Variants in N4BP2 observed in about 807,000 individuals in gnomAD.
The protein encoded by N4BP2 is NEDD4-binding protein 2.
A neutral mutation model predicts 152.8 loss-of-function variants in N4BP2; 91 were observed. That is an observed-to-expected ratio of 0.60 (90% CI 0.50 to 0.71). The LOEUF (loss-of-function observed/expected upper bound fraction) is 0.71. N4BP2 is among the 30% of genes least tolerant of loss of function. N4BP2 has a pLI of 0.00. For synonymous variants in N4BP2, 646 were observed against 705.3 expected (o/e 0.92, Z 1.33); for missense variants, 1,923 against 2,059.1 (o/e 0.93, Z 1.28).
intron 2 of N4BP2, among the ~76,000 whole-genome samples, chr4:40,087,251 C>G (rs1653082148): frequency 6.6e-6 from 1 of 151,894 alleles, no homozygotes; most frequent in Non-Finnish European, 1.5e-5. Flanking sequence ...CTTTCCTTTT[C>G]CCCTTCCCCT....
chr4:40,188,947 C>T, the N4BP2 span, among the ~76,000 whole-genome samples: 1 of 151,722 alleles, frequency 6.6e-6, no homozygotes, highest in African/African-American at 2.4e-5. Flanking sequence ...GAGTTTGAGA[C>T]CAGCCTGGCC....
the N4BP2 span, among the ~76,000 whole-genome samples, chr4:40,166,288 C>T: frequency 3.3e-5 from 5 of 152,224 alleles, 1 homozygote; most frequent in South Asian, 6.2e-4. Flanking sequence ...GGCTATCTGG[C>T]GGGATAGGCC....
At chr4:40,185,820 G>GTAA in the N4BP2 span, among the ~76,000 whole-genome samples, 2 of 151,892 alleles carry the variant, frequency 1.3e-5, no homozygotes, top group Non-Finnish European at 2.9e-5. Context: ...AATAATTTAG[G>GTAA]TAATAATAAT....
rs373513853 is a variant in N4BP2, at chr4:40,154,261, T to C, written c.*24T>C. 434 of 1,540,414 alleles carry C rather than the reference T, an allele frequency of 2.8e-4. 1 individual carries two copies. Among genetic ancestry groups the C allele is most frequent in the Non-Finnish European group, 3.8e-4 (423 of 1,125,898 alleles). The stretch of plus-strand genomic sequence containing the variant: ...AAAATAAACATCCTTGAATTAGAAG[T>C]ATGAAGGTTTGTAGGTTAAAATTAC... On this transcript the variant is annotated 3_prime_UTR_variant, in exon 18 of 18. Coordinates refer to ENST00000261435, the MANE Select transcript of N4BP2 (RefSeq NM_018177.6).
At chr4:40,083,070 C>T (rs558328313) in intron 2 of N4BP2, 15 of 222,512 alleles carry the variant, frequency 6.7e-5, no homozygotes, top group East Asian at 6.1e-4. Flanking sequence ...CTTCAGCCCA[C>T]GCCCTGTGCC....
At chr4:40,100,168 G>A (rs1429142852) in intron 3 of N4BP2, 5 of 439,276 alleles carry the variant, frequency 1.1e-5, no homozygotes, top group Non-Finnish European at 2.3e-5. Flanking sequence ...TGAGAAAATC[G>A]AGGTTTAGGA....
intron 7 of N4BP2, among the ~76,000 whole-genome samples, chr4:40,115,532 T>G (rs768919570): frequency 6.6e-6 from 1 of 152,218 alleles, no homozygotes; most frequent in Non-Finnish European, 1.5e-5. Context: ...TTATTTTAGC[T>G]GCTCTCAGAA....
chr4:40,149,680 G>A (rs1250761643), intron 16 of N4BP2, among the ~76,000 whole-genome samples: 1 of 151,906 alleles, frequency 6.6e-6, no homozygotes, highest in East Asian at 1.9e-4. Context: ...GGATCACGAG[G>A]TCAGGAGATC....
the N4BP2 span, among the ~76,000 whole-genome samples, chr4:40,185,034 C>T: frequency 6.6e-6 from 1 of 152,042 alleles, no homozygotes. Flanking sequence ...AATTTTATAG[C>T]TTACTCTTTG....
intron 5 of N4BP2, among the ~76,000 whole-genome samples, chr4:40,110,538 A>G (rs1242104151): frequency 6.6e-6 from 1 of 152,180 alleles, no homozygotes; most frequent in East Asian, 1.9e-4. Context: ...CCATTTGTAT[A>G]TCTTCTCTGG....
intron 1 of N4BP2, among the ~76,000 whole-genome samples, chr4:40,061,060 C>T (rs780059160): frequency 5.9e-5 from 9 of 151,894 alleles, no homozygotes; most frequent in African/African-American, 9.7e-5. Flanking sequence ...AGCAATCCTC[C>T]CACCTTGGCC....
rs139089220 is a variant in N4BP2 at position 40,121,086 on chromosome 4, C to A, written c.2975C>A (p.Pro992Gln). 105 of 1,613,922 alleles carry A rather than the reference C, an allele frequency of 6.5e-5. No individual in the cohort carries two copies. Among genetic ancestry groups the A allele is most frequent in the Admixed American group, 5.0e-5 (3 of 59,986 alleles). Reference sequence around the variant, plus strand: ...CCAACTGTTTCTGGAGTAGTAGAACCACAAACGTTAGCTGAATGTCAAGAG... The same window carrying A: ...CCAACTGTTTCTGGAGTAGTAGAACAACAAACGTTAGCTGAATGTCAAGAG... ...SAPTVSGVVE[P>Q]QTLAECQEQM... The change falls in exon 9 of 18, where the codon CCA becomes CAA. Residue 992 changes from proline (P) to glutamine (Q), a missense_variant. Transcript: ENST00000261435.
At chr4:40,149,236 G>C (rs561690326) in intron 16 of N4BP2, among the ~76,000 whole-genome samples, 26 of 152,236 alleles carry the variant, frequency 1.7e-4, no homozygotes, top group African/African-American at 5.8e-4. Flanking sequence ...AACAAAATGT[G>C]GTAAATCTAT....
At chr4:40,096,204 C>T (rs960066560) in intron 2 of N4BP2, among the ~76,000 whole-genome samples, 3 of 151,938 alleles carry the variant, frequency 2.0e-5, no homozygotes, top group Non-Finnish European at 2.9e-5. Flanking sequence ...AAATACAATA[C>T]GTATGTAAAA....
At chr4:40,106,345 G>T (rs866429091) in intron 4 of N4BP2, among the ~76,000 whole-genome samples, 6 of 151,488 alleles carry the variant, frequency 4.0e-5, no homozygotes, top group Non-Finnish European at 7.4e-5. Context: ...TCTTTTTTGA[G>T]AGAGGGTCTT....
intron 1 of N4BP2, among the ~76,000 whole-genome samples, 193 bp from the exon 2 acceptor site, chr4:40,073,262 T>C (rs917428914): frequency 5.9e-5 from 9 of 152,190 alleles, no homozygotes; most frequent in African/African-American, 2.2e-4. Flanking sequence ...CTTTCTTTTA[T>C]ACAGACTTTT....
rs879307858 is a variant in N4BP2, at chr4:40,157,647, C to T, written c.*3410C>T. ...CCAAGTGCTTTTTCTAAGTGCTTTT[C>T]CATTGTGCAATGAGGTGAAGTTTGG... is the stretch of plus-strand genomic sequence containing the variant. On this transcript the variant is annotated 3_prime_UTR_variant, in exon 18 of 18. Coordinates refer to ENST00000261435, the MANE Select transcript of N4BP2 (RefSeq NM_018177.6). The T allele has an allele frequency of 3.3e-5, 5 of 152,014 alleles. No individual in the cohort carries two copies. The highest frequency in any genetic ancestry group is 7.4e-5 in the Non-Finnish European group (5 of 67,976). The allele number at this position is 152,014 out of a possible 1,614,324, so 9.4% of individuals were successfully genotyped here.
At chr4:40,079,795 G>C (rs1713168945) in intron 2 of N4BP2, among the ~76,000 whole-genome samples, 1 of 151,924 alleles carries the variant, frequency 6.6e-6, no homozygotes. Flanking sequence ...GAGGGAGACT[G>C]TCTCAAAAAC....
chr4:40,089,330 T>C (rs1054223100), intron 2 of N4BP2, among the ~76,000 whole-genome samples: 10 of 152,158 alleles, frequency 6.6e-5, no homozygotes, highest in Admixed American at 2.6e-4. Context: ...GAATGTGGTA[T>C]GTAAGTATTT....
Sources: allele counts gnomAD v4.1 joint callset (sites outside exome capture counted in the v4.1 genomes callset), GRCh38; gene constraint gnomAD v4.1.1; transcripts MANE v1.5; gene names NCBI Gene and HGNC (gene_info 2026-07-23, HGNC 2026-07-21).